The following AFF1 variants were observed in gnomAD, a reference collection of about 807,000 sequenced individuals.
The protein encoded by AFF1 is ALF transcription elongation factor 1.
In AFF1, 48 loss-of-function variants were observed where a neutral mutation model predicts 121.7. The observed-to-expected ratio is 0.39, with a 90% CI of 0.31 to 0.50. The LOEUF (loss-of-function observed/expected upper bound fraction) is 0.50. AFF1 is among the 20% of genes least tolerant of loss of function. The probability of loss-of-function intolerance (pLI) is 0.76; values close to 1 mark genes in which losing one functional copy is unlikely to be tolerated. For missense variants in AFF1, 1,523 were observed against 1,511.7 expected (o/e 1.01, Z -0.12); for synonymous variants, 613 against 563.0 (o/e 1.09, Z -1.26).
intron 2 of AFF1, among the ~76,000 whole-genome samples, chr4:87,045,260 T>A (rs1730558921): frequency 6.6e-6 from 1 of 152,200 alleles, no homozygotes; most frequent in Non-Finnish European, 1.5e-5. Context: ...TTCAGTAGAT[T>A]CCCTAGGAGC....
intron 2 of AFF1, among the ~76,000 whole-genome samples, chr4:86,969,047 C>A (rs1403266149): frequency 2.0e-5 from 3 of 152,206 alleles, no homozygotes; most frequent in Non-Finnish European, 4.4e-5. Context: ...TTAGGTCTCA[C>A]GTGGTAGCCT....
intron 2 of AFF1, among the ~76,000 whole-genome samples, chr4:87,041,410 C>T (rs927999174): frequency 6.6e-6 from 1 of 152,072 alleles, no homozygotes; most frequent in Non-Finnish European, 1.5e-5. Context: ...CCTGGAGATC[C>T]CTTGGAAACT....
At chr4:86,995,653 G>A (rs1364584429) in intron 2 of AFF1, among the ~76,000 whole-genome samples, 2 of 150,424 alleles carry the variant, frequency 1.3e-5, no homozygotes, top group Non-Finnish European at 3.0e-5. Context: ...GTGTGATCTC[G>A]GCTCGCTACA....
At chr4:87,026,538 GACCTTGAGTGGCC>G (rs1163721321) in intron 2 of AFF1, among the ~76,000 whole-genome samples, 17 of 152,300 alleles carry the variant, frequency 1.1e-4, no homozygotes, top group Non-Finnish European at 2.1e-4. Context: ...TCTGTGTGGG[GACCTTGAGTGGCC>G]ATCCAGTTGC....
intron 4 of AFF1, among the ~76,000 whole-genome samples, chr4:87,066,068 A>G (rs1011555153): frequency 1.3e-5 from 2 of 152,204 alleles, no homozygotes; most frequent in Non-Finnish European, 2.9e-5. Flanking sequence ...GATTTCCTTC[A>G]TGGTACCAGA....
intron 2 of AFF1, among the ~76,000 whole-genome samples, chr4:86,985,507 C>CA (rs34276113): frequency 0.25 from 23,933 of 96,296 alleles, 2,513 homozygotes; most frequent in Non-Finnish European, 0.28. Flanking sequence ...GACACTGTCT[C>CA]AAAAAAAAAA....
At chr4:87,103,129 TA>T (rs1002312918) in intron 8 of AFF1, among the ~76,000 whole-genome samples, 2 of 152,210 alleles carry the variant, frequency 1.3e-5, no homozygotes, top group East Asian at 3.8e-4. Flanking sequence ...ACTTGTAACT[TA>T]AAAAAAGTAG....
At chr4:87,006,630 C>G (rs1014834139) in intron 2 of AFF1, among the ~76,000 whole-genome samples, 1 of 152,228 alleles carries the variant, frequency 6.6e-6, no homozygotes, top group Non-Finnish European at 1.5e-5. Context: ...GGTTTACTGC[C>G]GCGGTCTTGT....
At chr4:87,058,841 C>T (rs762002559) in intron 4 of AFF1, among the ~76,000 whole-genome samples, 2 of 152,184 alleles carry the variant, frequency 1.3e-5, no homozygotes, top group African/African-American at 2.4e-5. Context: ...GCAGCCTGCT[C>T]TGTGCCTTCA....
intron 2 of AFF1, among the ~76,000 whole-genome samples, chr4:87,029,774 T>G (rs1728884971): frequency 6.6e-6 from 1 of 152,172 alleles, no homozygotes; most frequent in Non-Finnish European, 1.5e-5. Flanking sequence ...CTGGAGTGGT[T>G]TCATACCTCA....
chr4:87,109,514 A>G (rs1726254129), intron 11 of AFF1, among the ~76,000 whole-genome samples: 1 of 152,222 alleles, frequency 6.6e-6, no homozygotes, highest in Non-Finnish European at 1.5e-5. Flanking sequence ...TATGATACTA[A>G]TTGCTATTGA....
chr4:86,957,307 A>G (rs1721813173), intron 2 of AFF1, among the ~76,000 whole-genome samples: 1 of 152,158 alleles, frequency 6.6e-6, no homozygotes, highest in African/African-American at 2.4e-5. Context: ...CTGAAGCCAT[A>G]CTAGTCAGCC....
At chr4:87,024,885 C>T (rs1440151586) in intron 2 of AFF1, among the ~76,000 whole-genome samples, 1 of 152,214 alleles carries the variant, frequency 6.6e-6, no homozygotes, top group African/African-American at 2.4e-5. Flanking sequence ...TGAGCCACTG[C>T]GCCCAGCCCC....
intron 2 of AFF1, among the ~76,000 whole-genome samples, chr4:87,000,326 G>A (rs1249224947): frequency 6.6e-6 from 1 of 152,106 alleles, no homozygotes; most frequent in South Asian, 2.1e-4. Context: ...AAACTGTCAC[G>A]AAAAACAAGG....
intron 2 of AFF1, among the ~76,000 whole-genome samples, chr4:86,991,219 C>T (rs995894024): frequency 6.6e-5 from 10 of 151,992 alleles, no homozygotes; most frequent in African/African-American, 1.7e-4. Context: ...CAGAGGCAGG[C>T]GGATCACGAG....
chr4:87,096,676 T>C (rs751775170), intron 8 of AFF1, among the ~76,000 whole-genome samples: 11 of 152,098 alleles, frequency 7.2e-5, no homozygotes, highest in Non-Finnish European at 1.2e-4. Context: ...GCCTCCTGAG[T>C]AGCTAGGACT....
At position 87,114,689 on chromosome 4, in the gene AFF1, C is replaced by G; in HGVS notation, c.1856C>G (p.Ser619Cys). 2.5e-6 allele frequency: 4 copies of G among 1,613,884 alleles called. No homozygotes were observed. Among genetic ancestry groups the G allele is most frequent in the Non-Finnish European group, 3.4e-6 (4 of 1,179,986 alleles). Residue 619 changes from serine (S) to cysteine (C), a missense_variant, in exon 12 of 21, where the codon TCT (serine) becomes TGT (cysteine). Coordinates refer to ENST00000395146, the MANE Select transcript of AFF1 (RefSeq NM_001166693.3). ...CAACCCAAAAAACCTGTCAAGGCCTCTGCCCGGGCAGGTTCACGGACCAGC... is the reference window on the plus strand; with the variant it reads ...CAACCCAAAAAACCTGTCAAGGCCTGTGCCCGGGCAGGTTCACGGACCAGC... The part of the protein sequence containing the change: ...TKQPKKPVKA[S>C]ARAGSRTSLQ...
chr4:87,116,055 C>G (rs754800461), intron 12 of AFF1, among the ~76,000 whole-genome samples: 6 of 152,160 alleles, frequency 3.9e-5, no homozygotes, highest in African/African-American at 1.2e-4. Context: ...AAATTTTACT[C>G]TCATAGTAGG....
Position 87,126,306 on chromosome 4 carries a change from G to A in AFF1, c.2781G>A (p.Gly927=). The change falls in exon 14 of 21, where the codon GGG becomes GGA. Residue 927 remains glycine (G), a synonymous_variant. Transcript: ENST00000395146. The part of the protein sequence containing the change: ...SSIPKQRRVE[G]KGSRSSSEHK... ...TTCCCAAGCAGAGAAGAGTAGAGGG[G>A]AAGGGCTCCAGAAGCTCCTCGGAGC... is the stretch of plus-strand genomic sequence containing the variant. The A allele has an allele frequency of 6.2e-7, 1 of 1,614,154 alleles. No homozygotes were observed.
Sources: allele counts gnomAD v4.1 joint callset (sites outside exome capture counted in the v4.1 genomes callset), GRCh38; gene constraint gnomAD v4.1.1; transcripts MANE v1.5; gene names NCBI Gene and HGNC (gene_info 2026-07-23, HGNC 2026-07-21).